CPQ: variants seen among roughly 807,000 people sequenced by gnomAD.
CPQ encodes the protein carboxypeptidase Q.
CPQ carries 37 observed loss-of-function variants against 45.7 expected under a neutral mutation model. The observed-to-expected ratio is 0.81, with a 90% CI of 0.62 to 1.07. The LOEUF (loss-of-function observed/expected upper bound fraction) is 1.07, where lower values mean the gene tolerates loss of function less well. Ranked by LOEUF, CPQ falls within the 50% of genes least tolerant of loss-of-function variation. The probability of loss-of-function intolerance (pLI) is 0.00; values close to 1 mark genes in which losing one functional copy is unlikely to be tolerated. For missense variants in CPQ, 537 were observed against 572.9 expected (o/e 0.94, Z 0.64); for synonymous variants, 186 against 205.8 (o/e 0.90, Z 0.82).
chr8:96,824,640 C>A (rs1811354011), intron 2 of CPQ, among the ~76,000 whole-genome samples: 1 of 151,844 alleles, frequency 6.6e-6, no homozygotes. Flanking sequence ...CCACATGGAT[C>A]CTTGGGAATG....
intron 5 of CPQ, among the ~76,000 whole-genome samples, chr8:96,983,863 C>A (rs1813950628): frequency 6.6e-6 from 1 of 150,416 alleles, no homozygotes. Flanking sequence ...TTCTGACTTA[C>A]CTCGGTTGTT....
chr8:96,827,467 C>T (rs890420656), intron 2 of CPQ, among the ~76,000 whole-genome samples: 1 of 152,052 alleles, frequency 6.6e-6, no homozygotes, highest in Non-Finnish European at 1.5e-5. Flanking sequence ...AGGAATAGCT[C>T]TACTCTGAGC....
At chr8:97,055,173 G>A (rs1056146770) in intron 6 of CPQ, among the ~76,000 whole-genome samples, 1 of 152,010 alleles carries the variant, frequency 6.6e-6, no homozygotes, top group Non-Finnish European at 1.5e-5. Flanking sequence ...CTGGTCCTAG[G>A]GTCTGGATTC....
rs111316626 is a variant in CPQ, at chr8:96,744,121, C to G, written c.-34-40743C>G. ...GATCTCAGACTGCTGTGCTAGCAATCAGCAAGACTCTGTGGGTGTAGGACC... is the reference window on the plus strand; with the variant it reads ...GATCTCAGACTGCTGTGCTAGCAATGAGCAAGACTCTGTGGGTGTAGGACC... On this transcript the variant is annotated intron_variant, in intron 1 of 7. Transcript: ENST00000220763. Among the ~76,000 whole-genome samples the G allele has an allele frequency of 6.3e-3, 960 of 152,368 alleles. 12 individuals are homozygous for G. The highest frequency in any genetic ancestry group is 0.021 in the African/African-American group (894 of 41,588).
intron 2 of CPQ, among the ~76,000 whole-genome samples, chr8:96,786,400 C>G (rs1810769033): frequency 6.6e-6 from 1 of 151,886 alleles, no homozygotes; most frequent in East Asian, 1.9e-4. Flanking sequence ...TATGGATGTA[C>G]CACATTTTTA....
At chr8:96,697,597 A>T (rs759617058) in intron 1 of CPQ, among the ~76,000 whole-genome samples, 5 of 152,176 alleles carry the variant, frequency 3.3e-5, no homozygotes, top group African/African-American at 4.8e-5. Flanking sequence ...ATGTGATCTT[A>T]TATTTGGAAA....
intron 3 of CPQ, among the ~76,000 whole-genome samples, chr8:96,876,198 A>T (rs2130878157): frequency 6.6e-6 from 1 of 151,994 alleles, no homozygotes; most frequent in East Asian, 1.9e-4. Flanking sequence ...ATTAGTTCTA[A>T]TCGTTTTGTG....
intron 7 of CPQ, among the ~76,000 whole-genome samples, chr8:97,080,566 A>C (rs1810928699): frequency 1.3e-5 from 2 of 152,216 alleles, no homozygotes; most frequent in African/African-American, 4.8e-5. Context: ...TAATTTCATT[A>C]GCTTAAACTC....
intron 5 of CPQ, among the ~76,000 whole-genome samples, chr8:97,024,739 T>C (rs1385897811): frequency 6.6e-6 from 1 of 152,324 alleles, no homozygotes; most frequent in Non-Finnish European, 1.5e-5. Context: ...CATGCTACCA[T>C]GTCATTATTT....
At chr8:96,659,587 T>G (rs1398345455) in intron 1 of CPQ, among the ~76,000 whole-genome samples, 1 of 152,206 alleles carries the variant, frequency 6.6e-6, no homozygotes, top group African/African-American at 2.4e-5. Context: ...TCTCTACACT[T>G]TACTTCTTTC....
At chr8:96,656,641 A>T (rs1396907824) in intron 1 of CPQ, among the ~76,000 whole-genome samples, 1 of 152,152 alleles carries the variant, frequency 6.6e-6, no homozygotes, top group Non-Finnish European at 1.5e-5. Context: ...GATCCACAGA[A>T]ATGCCCTGTG....
intron 1 of CPQ, among the ~76,000 whole-genome samples, chr8:96,741,452 G>C (rs537694580): frequency 2.6e-5 from 4 of 152,126 alleles, no homozygotes; most frequent in East Asian, 1.9e-4. Flanking sequence ...TTTTTTGAAG[G>C]GTTTTTTGTG....
intron 1 of CPQ, among the ~76,000 whole-genome samples, chr8:96,657,019 CT>C (rs201700797): frequency 5.6e-3 from 798 of 143,566 alleles, no homozygotes; most frequent in Middle Eastern, 0.011. Flanking sequence ...CTCTGGTTAC[CT>C]TTTTTTTTTT....
chr8:96,805,391 A>C (rs574316151), intron 2 of CPQ, among the ~76,000 whole-genome samples: 1 of 152,246 alleles, frequency 6.6e-6, no homozygotes, highest in South Asian at 2.1e-4. Context: ...TCCTCATCCA[A>C]TTAATAATGA....
At chr8:96,847,935 A>G (rs1255317110) in intron 3 of CPQ, among the ~76,000 whole-genome samples, 3 of 144,516 alleles carry the variant, frequency 2.1e-5, no homozygotes, top group East Asian at 2.0e-4. Flanking sequence ...AAGGATCTCA[A>G]TATAGGTTTG....
intron 5 of CPQ, among the ~76,000 whole-genome samples, chr8:96,984,218 G>A (rs966833780): frequency 2.0e-5 from 3 of 151,918 alleles, no homozygotes; most frequent in African/African-American, 7.3e-5. Flanking sequence ...ATATATTATT[G>A]TTGATTAGTG....
In CPQ at chr8:96,835,084, G is replaced by A. The variant is rs774866806; in HGVS notation, c.545G>A (p.Arg182Lys). The change falls in exon 3 of 8, where the codon AGG (arginine) becomes AAG (lysine). Residue 182 changes from arginine to lysine, a missense_variant. Coordinates refer to ENST00000220763, the MANE Select transcript of CPQ (RefSeq NM_016134.4). ...AACCAACCTTACATCAACTACTCAA[G>A]GACGGTGCAATACCGAACGCAGGGG... ...VYNQPYINYS[R>K]TVQYRTQGAV... The A allele has an allele frequency of 1.6e-5, 26 of 1,612,774 alleles. No individual in the cohort carries two copies. In the South Asian group the frequency reaches 2.9e-4, roughly 18 times the overall value.
chr8:97,000,880 G>GTTTT (rs1359006081), intron 5 of CPQ, among the ~76,000 whole-genome samples: 2 of 152,112 alleles, frequency 1.3e-5, no homozygotes, highest in Admixed American at 1.3e-4. Context: ...AGCATGGAAT[G>GTTTT]TTTTTCCATT....
chr8:97,102,341 G>C (rs1203749366), intron 7 of CPQ, among the ~76,000 whole-genome samples: 1 of 152,114 alleles, frequency 6.6e-6, no homozygotes, highest in Non-Finnish European at 1.5e-5. Context: ...ACTACTGTTT[G>C]AGTTAAACTG....
Sources: allele counts gnomAD v4.1 joint callset (sites outside exome capture counted in the v4.1 genomes callset), GRCh38; gene constraint gnomAD v4.1.1; transcripts MANE v1.5; gene names NCBI Gene and HGNC (gene_info 2026-07-23, HGNC 2026-07-21).